DNAJC8: variants seen among roughly 807,000 people sequenced by gnomAD.
The protein encoded by DNAJC8 is DnaJ heat shock protein family (Hsp40) member C8, also known as dnaJ homolog subfamily C member 8.
DNAJC8 carries 24 observed loss-of-function variants against 43.2 expected under a neutral mutation model. The ratio of observed to expected loss-of-function variants is 0.56; its 90% CI spans 0.40 to 0.78. The LOEUF is 0.78. DNAJC8 is among the 30% of genes least tolerant of loss of function. DNAJC8 has a pLI of 0.00. For synonymous variants in DNAJC8, 83 were observed against 98.0 expected (o/e 0.85, Z 0.90); for missense variants, 207 against 299.4 (o/e 0.69, Z 2.28).
At chr1:28,204,298 C>T (rs555161637) in intron 7 of DNAJC8, among the ~76,000 whole-genome samples, 10 of 152,274 alleles carry the variant, frequency 6.6e-5, no homozygotes, top group African/African-American at 2.4e-4. Context: ...AAACAAAACT[C>T]GGCCGGATGT....
At chr1:28,202,291 C>T (rs12095236) in intron 8 of DNAJC8, among the ~76,000 whole-genome samples, 63,128 of 151,842 alleles carry the variant, frequency 0.42, 14,624 homozygotes, top group African/African-American at 0.62. Flanking sequence ...TTGTTGTTGT[C>T]TTTTGTGAGA....
intron 6 of DNAJC8, 24 bp downstream of exon 6, chr1:28,208,318 T>G (rs1316932803): frequency 1.3e-6 from 2 of 1,587,934 alleles, no homozygotes; most frequent in Non-Finnish European, 1.7e-6. Context: ...CAAGATACAG[T>G]GGCTTTTCCT....
Position 28,232,994 on chromosome 1 carries a change from G to A in DNAJC8, c.5C>T (p.Ala2Val), listed in dbSNP as rs776938007. Reference protein sequence around the residue: MAASGESGTSGG... With the variant: MVASGESGTSGG... ...TGAAGTCCCGCTCTCTCCTGAAGCC[G>A]CCATTTCCCCGGCCCAGCCACCACG... is the stretch of plus-strand genomic sequence containing the variant. Residue 2 changes from alanine (A) to valine (V), a missense_variant, in exon 1 of 9, where the codon GCG (alanine) becomes GTG (valine). Transcript: ENST00000263697. 1.2e-6 allele frequency: 2 copies of A among 1,611,910 alleles called. No individual in the cohort carries two copies. The highest frequency in any genetic ancestry group is 1.3e-5 in the African/African-American group (1 of 75,022).
At chr1:28,230,599 C>T (rs947655908) in intron 1 of DNAJC8, among the ~76,000 whole-genome samples, 3 of 152,058 alleles carry the variant, frequency 2.0e-5, no homozygotes, top group Non-Finnish European at 4.4e-5. Context: ...ATATTTTTTC[C>T]CATCCAATTC....
At chr1:28,214,569 G>A (rs1006500248) in intron 3 of DNAJC8, among the ~76,000 whole-genome samples, 1 of 152,004 alleles carries the variant, frequency 6.6e-6, no homozygotes, top group East Asian at 1.9e-4. Context: ...TAAAATTACA[G>A]ACAAATGGAG....
chr1:28,223,215 C>T (rs1331565237), intron 2 of DNAJC8, among the ~76,000 whole-genome samples: 1 of 151,964 alleles, frequency 6.6e-6, no homozygotes, highest in Non-Finnish European at 1.5e-5. Context: ...GGAGCCAGAC[C>T]CCGAGTAAGA....
At chr1:28,205,471 G>A (rs1424929534) in intron 6 of DNAJC8, 122 bp from the exon 7 acceptor site, 76 of 658,068 alleles carry the variant, frequency 1.2e-4, no homozygotes, top group Admixed American at 1.8e-4. Context: ...GCTGTGCACC[G>A]TGGCTCACAT....
Position 28,200,870 on chromosome 1 carries a change from C to T in DNAJC8, c.*378G>A, listed in dbSNP as rs1217896911. On this transcript the variant is annotated 3_prime_UTR_variant, in exon 9 of 9. Coordinates refer to ENST00000263697, the MANE Select transcript of DNAJC8 (RefSeq NM_014280.3). ...CCTTCCAGGCTTGTCTCTGAAGTCA[C>T]AGCAACACTGTTTTAAGCAGTATGT... The T allele has an allele frequency of 2.8e-6, 1 of 361,086 alleles. No homozygotes were observed. Among genetic ancestry groups the T allele is most frequent in the East Asian group, 7.3e-5 (1 of 13,726 alleles). 22.4% of individuals were successfully genotyped at this position (361,086 alleles called of 1,614,324 possible). A position where few individuals can be genotyped will look rare whatever the true frequency, so the allele number is the denominator to read the frequency against.
chr1:28,214,874 A>C, intron 3 of DNAJC8, 66 bp downstream of exon 3: 1 of 1,411,998 alleles, frequency 7.1e-7, no homozygotes, highest in Non-Finnish European at 9.7e-7. Flanking sequence ...CAATAATAGC[A>C]AGTGATAAAA....
chr1:28,209,436 C>T (rs1646794248), intron 5 of DNAJC8, among the ~76,000 whole-genome samples: 1 of 152,198 alleles, frequency 6.6e-6, no homozygotes, highest in African/African-American at 2.4e-5. Context: ...ACATTGGAGA[C>T]TTATGTATGC....
intron 5 of DNAJC8, among the ~76,000 whole-genome samples, chr1:28,209,665 T>G (rs1286069340): frequency 6.6e-6 from 1 of 152,140 alleles, no homozygotes; most frequent in African/African-American, 2.4e-5. Context: ...ACGTTTCCAC[T>G]CTAAGAATGG....
At chr1:28,208,196 A>G (rs1032499005) in intron 6 of DNAJC8, 146 bp downstream of exon 6, 27 of 550,490 alleles carry the variant, frequency 4.9e-5, no homozygotes, top group Non-Finnish European at 7.6e-5. Context: ...ACAAGAGTGA[A>G]ACTCAGTCTC....
At chr1:28,205,420 C>A (rs1646762168) in intron 6 of DNAJC8, 71 bp from the exon 7 acceptor site, 2 of 1,151,492 alleles carry the variant, frequency 1.7e-6, no homozygotes, top group East Asian at 4.7e-5. Flanking sequence ...CATGTACTTT[C>A]ACCTGGAGTC....
rs576947870 is a variant in DNAJC8 at position 28,200,687 on chromosome 1, C to T, written c.*561G>A. 1 of 454,484 alleles carries T rather than the reference C, an allele frequency of 2.2e-6. No homozygotes were observed. Among genetic ancestry groups the T allele is most frequent in the African/African-American group, 2.0e-5 (1 of 50,022 alleles). 28.2% of individuals were successfully genotyped at this position (454,484 alleles called of 1,614,324 possible). On this transcript the variant is annotated 3_prime_UTR_variant, in exon 9 of 9. Transcript: ENST00000263697. ...AGGTTTGGGTGGCGTGGGCCTCATG[C>T]CACACTGATTGGTCAGTAGACAGGG...
intron 8 of DNAJC8, 65 bp downstream of exon 8, chr1:28,203,682 G>A: frequency 6.6e-7 from 1 of 1,512,314 alleles, no homozygotes; most frequent in Non-Finnish European, 9.2e-7. Context: ...TCAGTCCTGG[G>A]AGCGCCACAG....
At chr1:28,217,436 C>A (rs1477779688) in intron 2 of DNAJC8, among the ~76,000 whole-genome samples, 1 of 152,054 alleles carries the variant, frequency 6.6e-6, no homozygotes, top group Admixed American at 6.6e-5. Context: ...GCCTGGCCAA[C>A]ATGGAGAAAC....
intron 6 of DNAJC8, among the ~76,000 whole-genome samples, chr1:28,206,715 T>C (rs1327359023): frequency 6.6e-6 from 1 of 152,236 alleles, no homozygotes; most frequent in Non-Finnish European, 1.5e-5. Context: ...GTATTTTAAA[T>C]AGACATGGAA....
chr1:28,221,598 C>G (rs1417756323), intron 2 of DNAJC8, among the ~76,000 whole-genome samples: 1 of 152,200 alleles, frequency 6.6e-6, no homozygotes, highest in Non-Finnish European at 1.5e-5. Flanking sequence ...CAGGTCCCCA[C>G]AGGAGATACT....
chr1:28,212,173 ATATATATATATATATATATATAT>A (rs1557707922), intron 3 of DNAJC8, among the ~76,000 whole-genome samples: 1,551 of 79,338 alleles, frequency 0.02, 133 homozygotes, highest in African/African-American at 0.079. Flanking sequence ...AAATAAATAT[ATATATATATATATATATATATAT>A]ATATATATAT....
Sources: gnomAD v4.1 joint callset for allele counts (sites outside exome capture counted in the v4.1 genomes callset) on GRCh38, gnomAD v4.1.1 for gene constraint, MANE v1.5 for transcripts, NCBI Gene and HGNC (gene_info 2026-07-23, HGNC 2026-07-21) for gene names.